TAFA5: variants seen among roughly 807,000 people sequenced by gnomAD.
TAFA5 encodes the protein chemokine-like protein TAFA-5.
A neutral mutation model predicts 15.3 loss-of-function variants in TAFA5; 6 were observed. The observed-to-expected ratio is 0.39, with a 90% CI of 0.21 to 0.77. The LOEUF is 0.77. TAFA5 is among the 30% of genes least tolerant of loss of function. TAFA5 has a pLI of 0.41. For missense variants in TAFA5, 161 were observed against 193.1 expected (o/e 0.83, Z 0.98); for synonymous variants, 103 against 80.7 (o/e 1.28, Z -1.48).
In TAFA5 at chr22:48,502,348, G is replaced by A. The variant is rs1920956750; in HGVS notation, c.112+12644G>A. 2.0e-5 allele frequency among the ~76,000 whole-genome samples: 3 copies of A among 152,204 alleles called. No individual in the cohort carries two copies. In the South Asian group the frequency reaches 6.2e-4, roughly 32 times the overall value. ...TGTGTATTTGGTTTTATTACCTGTT[G>A]AGGCACATTGTTCTAAAGCATGCCT... On this transcript the variant is annotated intron_variant, in intron 1 of 3. Coordinates refer to ENST00000402357, the MANE Select transcript of TAFA5 (RefSeq NM_001082967.3).
intron 1 of TAFA5, among the ~76,000 whole-genome samples, chr22:48,520,708 G>A (rs1303774261): frequency 6.6e-6 from 1 of 152,172 alleles, no homozygotes; most frequent in African/African-American, 2.4e-5. Flanking sequence ...GGCAGGAAGA[G>A]GGGGCATGGA....
At chr22:48,594,369 A>G (rs535816742) in intron 1 of TAFA5, among the ~76,000 whole-genome samples, 1 of 152,186 alleles carries the variant, frequency 6.6e-6, no homozygotes, top group Admixed American at 6.5e-5. Context: ...CTGTTAGTGC[A>G]TTCTGAGCAC....
chr22:48,535,312 T>C (rs892513325), intron 1 of TAFA5, among the ~76,000 whole-genome samples: 17 of 152,206 alleles, frequency 1.1e-4, no homozygotes, highest in African/African-American at 3.9e-4. Context: ...TGAGTGTGCA[T>C]GTAAGATGCA....
chr22:48,555,092 C>T (rs1355673392), intron 1 of TAFA5, among the ~76,000 whole-genome samples: 1 of 152,236 alleles, frequency 6.6e-6, no homozygotes, highest in East Asian at 1.9e-4. Context: ...CAGGGCCACC[C>T]AGTCCTGGAC....
At chr22:48,576,838 C>T (rs1008923379) in intron 1 of TAFA5, among the ~76,000 whole-genome samples, 2 of 151,854 alleles carry the variant, frequency 1.3e-5, no homozygotes, top group African/African-American at 4.8e-5. Context: ...TGGCGCCGCC[C>T]CGGATCCCCA....
rs1289942689 is a variant in TAFA5, at chr22:48,552,898, G to T, written c.112+63194G>T. ...CCCCTGGTTTCCCACTGTTGTGACGGCCCTGTCTGCATTCCCTGCAGAATA... is the reference window on the plus strand; with the variant it reads ...CCCCTGGTTTCCCACTGTTGTGACGTCCCTGTCTGCATTCCCTGCAGAATA... On this transcript the variant is annotated intron_variant, in intron 1 of 3. Transcript: ENST00000402357. This position sits in a 1 kb window ranked among gnomAD's most constrained non-coding sequence, Gnocchi z 4.1. Among the ~76,000 whole-genome samples, 1 of 152,048 alleles carries T rather than the reference G, an allele frequency of 6.6e-6. No homozygotes were observed. Among genetic ancestry groups the T allele is most frequent in the Non-Finnish European group, 1.5e-5 (1 of 67,992 alleles).
chr22:48,504,337 G>T (rs1012901096), intron 1 of TAFA5, among the ~76,000 whole-genome samples: 1 of 152,204 alleles, frequency 6.6e-6, no homozygotes, highest in South Asian at 2.1e-4. Flanking sequence ...TAATCCAGCC[G>T]TGCTTAGGGA....
chr22:48,656,714 T>C (rs1927257439), intron 2 of TAFA5, among the ~76,000 whole-genome samples: 2 of 111,384 alleles, frequency 1.8e-5, no homozygotes, highest in Non-Finnish European at 3.5e-5. Flanking sequence ...TTTTTTTTTT[T>C]GAGATGGAGT....
At chr22:48,542,918 G>A (rs1922513112) in intron 1 of TAFA5, among the ~76,000 whole-genome samples, 1 of 151,414 alleles carries the variant, frequency 6.6e-6, no homozygotes, top group Admixed American at 6.6e-5. Context: ...AGTGATATGT[G>A]TACTGGTGTA....
At chr22:48,551,530 C>G (rs921795647) in intron 1 of TAFA5, among the ~76,000 whole-genome samples, 1 of 152,200 alleles carries the variant, frequency 6.6e-6, no homozygotes, top group African/African-American at 2.4e-5. Context: ...AGGGGCCCAG[C>G]CCATCAAGAA....
At chr22:48,741,869 G>A (rs920236208) in intron 3 of TAFA5, among the ~76,000 whole-genome samples, 3 of 152,320 alleles carry the variant, frequency 2.0e-5, no homozygotes, top group Admixed American at 6.5e-5. Context: ...CTGGATGAAC[G>A]CTTGTAGAAG....
intron 1 of TAFA5, among the ~76,000 whole-genome samples, chr22:48,510,715 C>A (rs1487764398): frequency 6.6e-6 from 1 of 152,164 alleles, no homozygotes; most frequent in African/African-American, 2.4e-5. Flanking sequence ...CTTCCCTCCC[C>A]CATGCTCCCT....
At chr22:48,678,969 T>TCTCCCCGTCCATCCCTCTCCCGG (rs1231968141) in intron 2 of TAFA5, among the ~76,000 whole-genome samples, 1 of 8,950 alleles carries the variant, frequency 1.1e-4, no homozygotes, top group African/African-American at 4.7e-4. Context: ...CCCTCTCCCG[T>TCTCCCCGTCCATCCCTCTCCCGG]CTCCCCGTCC....
At chr22:48,693,526 C>T in intron 2 of TAFA5, 4 of 1,465,612 alleles carry the variant, frequency 2.7e-6, no homozygotes, top group Non-Finnish European at 3.7e-6. Context: ...CAGGTGAGGC[C>T]CGCAGGAGGG....
intron 2 of TAFA5, among the ~76,000 whole-genome samples, chr22:48,685,413 G>C (rs561772055): frequency 6.6e-6 from 1 of 152,340 alleles, no homozygotes; most frequent in Admixed American, 6.5e-5. Context: ...CGGCTTTGCA[G>C]AGCCATTTCA....
At chr22:48,704,287 G>A (rs1427779336) in intron 2 of TAFA5, among the ~76,000 whole-genome samples, 1 of 152,114 alleles carries the variant, frequency 6.6e-6, no homozygotes, top group African/African-American at 2.4e-5. Context: ...TGCTACTGGG[G>A]CATGTGTGTT....
Position 48,749,947 on chromosome 22 carries a change from C to A in TAFA5, c.*100C>A. On this transcript the variant is annotated 3_prime_UTR_variant, in exon 4 of 4. Transcript: ENST00000402357. Reference sequence around the variant, plus strand: ...ACTCGCCTCGGACTTCACCCGTTCTCTGCCGCCCGCCCACTCCGTTTCCCT... The same window carrying A: ...ACTCGCCTCGGACTTCACCCGTTCTATGCCGCCCGCCCACTCCGTTTCCCT... The A allele has an allele frequency of 8.6e-7, 1 of 1,160,284 alleles. No individual in the cohort carries two copies. The highest frequency in any genetic ancestry group is 1.3e-5 in the South Asian group (1 of 75,948). The allele number at this position is 1,160,284 out of a possible 1,614,324, so 71.9% of individuals were successfully genotyped here.
At chr22:48,626,197 T>C (rs929556516) in intron 1 of TAFA5, among the ~76,000 whole-genome samples, 2 of 152,224 alleles carry the variant, frequency 1.3e-5, no homozygotes, top group African/African-American at 2.4e-5. Flanking sequence ...TTCAAATCGA[T>C]TGGCTAAGTA....
intron 1 of TAFA5, among the ~76,000 whole-genome samples, chr22:48,636,998 A>G (rs1926474178): frequency 6.6e-6 from 1 of 152,144 alleles, no homozygotes; most frequent in African/African-American, 2.4e-5. Flanking sequence ...CCAAGTGAGC[A>G]AAGCCGGGCT....
Sources: gnomAD v4.1 joint callset for allele counts (sites outside exome capture counted in the v4.1 genomes callset) on GRCh38, gnomAD v4.1.1 for gene constraint, Gnocchi (gnomAD v3.1) non-coding constraint, MANE v1.5 for transcripts, NCBI Gene and HGNC (gene_info 2026-07-23, HGNC 2026-07-21) for gene names.